Variants in SYT14 observed in about 807,000 individuals in gnomAD.
SYT14 encodes synaptotagmin 14, also known as synaptotagmin-14.
Under a neutral mutation model 74.2 loss-of-function variants are expected in SYT14, and 32 were observed. The ratio of observed to expected loss-of-function variants is 0.43; its 90% CI spans 0.33 to 0.58. The LOEUF is 0.58. SYT14 is among the 20% of genes least tolerant of loss of function. The pLI is 0.05. For synonymous variants in SYT14, 298 were observed against 337.7 expected (o/e 0.88, Z 1.29); for missense variants, 791 against 981.8 (o/e 0.81, Z 2.60).
chr1:209,998,022 G>A (rs115620723), intron 2 of SYT14, among the ~76,000 whole-genome samples: 10 of 151,996 alleles, frequency 6.6e-5, no homozygotes, highest in South Asian at 2.1e-4. Flanking sequence ...AAATTTTGCC[G>A]TCTTTTTTGT....
chr1:210,022,825 G>A (rs1258702178), intron 5 of SYT14, among the ~76,000 whole-genome samples: 2 of 152,014 alleles, frequency 1.3e-5, no homozygotes, highest in East Asian at 3.9e-4. Context: ...TTGCAGGTAC[G>A]TTTCGGATTT....
chr1:210,052,974 CTAG>C (rs2081030307), intron 5 of SYT14, among the ~76,000 whole-genome samples: 1 of 152,052 alleles, frequency 6.6e-6, no homozygotes, highest in Non-Finnish European at 1.5e-5. Context: ...ATGACTACTA[CTAG>C]TATTACAATT....
At chr1:209,947,072 G>GA (rs2078834797) in intron 1 of SYT14, among the ~76,000 whole-genome samples, 1 of 152,130 alleles carries the variant, frequency 6.6e-6, no homozygotes, top group East Asian at 1.9e-4. Flanking sequence ...GTCCTACTCA[G>GA]AAAAAAGATG....
intron 6 of SYT14, among the ~76,000 whole-genome samples, chr1:210,095,910 A>C (rs1348011639): frequency 6.6e-6 from 1 of 152,190 alleles, no homozygotes; most frequent in Non-Finnish European, 1.5e-5. Flanking sequence ...TTACCTAAAC[A>C]AATTTGAGAC....
intron 4 of SYT14, among the ~76,000 whole-genome samples, chr1:210,020,213 C>T (rs904997841): frequency 6.6e-6 from 1 of 152,076 alleles, no homozygotes; most frequent in Non-Finnish European, 1.5e-5. Context: ...CTTTTAAATT[C>T]ACATCCTCAT....
intron 4 of SYT14, among the ~76,000 whole-genome samples, chr1:210,018,178 G>C (rs2080225893): frequency 6.6e-6 from 1 of 152,188 alleles, no homozygotes; most frequent in Non-Finnish European, 1.5e-5. Context: ...GCTGTCGCCA[G>C]GCTGGATTGC....
intron 7 of SYT14, among the ~76,000 whole-genome samples, chr1:210,102,337 C>T (rs1448983330): frequency 2.0e-5 from 3 of 152,168 alleles, no homozygotes; most frequent in Non-Finnish European, 4.4e-5. Flanking sequence ...TATCCATCTT[C>T]TGCCCTTTCT....
At chr1:209,961,754 A>G (rs1346017888) in intron 2 of SYT14, among the ~76,000 whole-genome samples, 1 of 152,136 alleles carries the variant, frequency 6.6e-6, no homozygotes, top group African/African-American at 2.4e-5. Context: ...GAATTCTGGA[A>G]GGCATGACCT....
At position 210,124,401 on chromosome 1, in the gene SYT14, G is replaced by A. The variant is rs114830542; in HGVS notation, c.2034+23940G>A. 8.4e-3 allele frequency among the ~76,000 whole-genome samples: 1,273 copies of A among 152,194 alleles called. 22 individuals are homozygous for A. The highest frequency in any genetic ancestry group is 0.029 in the African/African-American group (1,213 of 41,540). On this transcript the variant is annotated intron_variant, in intron 7 of 9. Coordinates refer to ENST00000637265, the Ensembl canonical transcript of SYT14. Reference sequence around the variant, plus strand: ...GATTCATAAAGAAAGAAAACAGAGGGGAGGAAGTTGTATTAAAAATACAAG... The same window carrying A: ...GATTCATAAAGAAAGAAAACAGAGGAGAGGAAGTTGTATTAAAAATACAAG...
exon 10 of SYT14, chr1:210,161,059 G>A (rs371158239): frequency 1.2e-6 from 2 of 1,612,140 alleles, no homozygotes; most frequent in East Asian, 2.2e-5. Flanking sequence ...GAATAAGCAA[G>A]CAGTTACCAT....
chr1:210,057,854 T>C (rs1228385701), intron 5 of SYT14, among the ~76,000 whole-genome samples: 1 of 152,156 alleles, frequency 6.6e-6, no homozygotes, highest in Non-Finnish European at 1.5e-5. Context: ...AGAATACTCC[T>C]TCCATATGCA....
At chr1:209,952,990 C>A (rs1375348616) in intron 2 of SYT14, 3 of 1,403,390 alleles carry the variant, frequency 2.1e-6, no homozygotes, top group African/African-American at 1.4e-5. Context: ...TGGTTTCTAG[C>A]ATATTGGTTG....
chr1:210,122,038 T>C (rs181615795), intron 7 of SYT14, among the ~76,000 whole-genome samples: 10,030 of 21,198 alleles, frequency 0.47, 3,272 homozygotes, highest in East Asian at 0.79. Flanking sequence ...AGTGCAGTGG[T>C]GGGATCTCGG....
chr1:210,073,168 A>G (rs983232381), intron 5 of SYT14, among the ~76,000 whole-genome samples: 5 of 151,982 alleles, frequency 3.3e-5, no homozygotes, highest in African/African-American at 9.7e-5. Flanking sequence ...TTTAGTTACA[A>G]AATAATAAAT....
rs541682172 is a variant in SYT14, at chr1:209,958,420, A to C, written c.-486+5664A>C. ...AGAATCAGCTTGTCAAGTTCCTTAAAAACAAAAAGCCTTTTTGGAATTTTA... is the reference window on the plus strand; with the variant it reads ...AGAATCAGCTTGTCAAGTTCCTTAACAACAAAAAGCCTTTTTGGAATTTTA... On this transcript the variant is annotated intron_variant, in intron 2 of 9. Coordinates refer to ENST00000637265, the Ensembl canonical transcript of SYT14. Among the ~76,000 whole-genome samples the C allele has an allele frequency of 1.5e-3, 220 of 151,552 alleles. 1 individual carries two copies. The highest frequency in any genetic ancestry group is 5.1e-3 in the African/African-American group (209 of 40,886).
At chr1:210,160,769 A>G in exon 10 of SYT14, 1 of 1,613,972 alleles carries the variant, frequency 6.2e-7, no homozygotes. Flanking sequence ...CCATGGGTCA[A>G]GAGATGTCCA....
At chr1:209,978,708 G>C (rs922363050) in intron 2 of SYT14, among the ~76,000 whole-genome samples, 1 of 152,196 alleles carries the variant, frequency 6.6e-6, no homozygotes. Context: ...TGCGTGCTGG[G>C]AGAACCACTA....
chr1:210,113,618 C>A (rs1276437223), intron 7 of SYT14, among the ~76,000 whole-genome samples: 1 of 150,610 alleles, frequency 6.6e-6, no homozygotes, highest in South Asian at 2.1e-4. Context: ...GGTGCATGAT[C>A]GGTTGCTAAG....
intron 2 of SYT14, among the ~76,000 whole-genome samples, chr1:209,994,787 A>AC (rs1379215305): frequency 6.6e-6 from 1 of 152,206 alleles, no homozygotes; most frequent in East Asian, 1.9e-4. Context: ...TTAGCAGCAG[A>AC]CCTCTCAGTA....
Sources: allele counts gnomAD v4.1 joint callset (sites outside exome capture counted in the v4.1 genomes callset), GRCh38; gene constraint gnomAD v4.1.1; transcripts MANE v1.5; gene names NCBI Gene and HGNC (gene_info 2026-07-23, HGNC 2026-07-21).